The following CDH23 variants were observed in gnomAD, a reference collection of about 807,000 sequenced individuals.
CDH23 encodes cadherin related 23, also known as cadherin-23.
A neutral mutation model predicts 317.1 loss-of-function variants in CDH23; 189 were observed. That is an observed-to-expected ratio of 0.60 (90% CI 0.53 to 0.67). The LOEUF (loss-of-function observed/expected upper bound fraction) is 0.67. Ranked by LOEUF, CDH23 falls within the 30% of genes least tolerant of loss-of-function variation. The pLI is 0.00. For missense variants in CDH23, 4,401 were observed against 4,592.4 expected, an observed-to-expected ratio of 0.96 and a Z score of 1.20; for synonymous variants, 1,839 against 1,876.8, an observed-to-expected ratio of 0.98 and a Z score of 0.52.
At chr10:71,483,830 C>G (rs1291751093) in intron 3 of CDH23, among the ~76,000 whole-genome samples, 1 of 152,076 alleles carries the variant, frequency 6.6e-6, no homozygotes, top group African/African-American at 2.4e-5. Flanking sequence ...TGTACATGCT[C>G]ACACACATTT....
At chr10:71,454,123 A>G (rs1420950759) in intron 3 of CDH23, among the ~76,000 whole-genome samples, 2 of 152,202 alleles carry the variant, frequency 1.3e-5, no homozygotes, top group Admixed American at 6.5e-5. Context: ...CACTGTTTTT[A>G]TCAAACATTC....
At chr10:71,487,069 A>G (rs960617404) in intron 3 of CDH23, among the ~76,000 whole-genome samples, 9 of 152,098 alleles carry the variant, frequency 5.9e-5, no homozygotes, top group Non-Finnish European at 1.2e-4. Flanking sequence ...AGGTGCATCT[A>G]GAACCAGCTG....
At chr10:71,624,262 T>G (rs550090878) in intron 11 of CDH23, among the ~76,000 whole-genome samples, 189 of 152,310 alleles carry the variant, frequency 1.2e-3, no homozygotes, top group Non-Finnish European at 2.3e-3. Flanking sequence ...AACCCCAGCC[T>G]GCCTTGTATT....
At chr10:71,412,381 C>T (rs910139525) in intron 1 of CDH23, among the ~76,000 whole-genome samples, 21 of 152,104 alleles carry the variant, frequency 1.4e-4, no homozygotes, top group African/African-American at 4.1e-4. Context: ...GAGGAACTGC[C>T]GTACTGTTTT....
At chr10:71,484,209 G>T (rs1852223248) in intron 3 of CDH23, among the ~76,000 whole-genome samples, 2 of 152,198 alleles carry the variant, frequency 1.3e-5, no homozygotes, top group South Asian at 4.2e-4. Context: ...TAACTGTAAT[G>T]CCAGCATCAT....
chr10:71,767,860 G>A (rs1840590816), intron 38 of CDH23, among the ~76,000 whole-genome samples: 1 of 152,242 alleles, frequency 6.6e-6, no homozygotes, highest in South Asian at 2.1e-4. Context: ...GGCACTTCCA[G>A]CACCTTGGGA....
At chr10:71,724,592 G>A (rs932666614) in intron 29 of CDH23, among the ~76,000 whole-genome samples, 4 of 152,162 alleles carry the variant, frequency 2.6e-5, no homozygotes, top group South Asian at 2.1e-4. Flanking sequence ...GTGAGCCACC[G>A]TGCCCCTGGG....
At chr10:71,408,954 C>A (rs184431881) in intron 1 of CDH23, among the ~76,000 whole-genome samples, 2 of 151,964 alleles carry the variant, frequency 1.3e-5, no homozygotes, top group Non-Finnish European at 2.9e-5. Context: ...CATGTGTGCA[C>A]GTGTGTGTGT....
intron 20 of CDH23, among the ~76,000 whole-genome samples, chr10:71,691,353 GGC>G (rs1436102579): frequency 1.3e-5 from 2 of 152,168 alleles, no homozygotes; most frequent in Non-Finnish European, 2.9e-5. Context: ...TTGGGGTGGG[GGC>G]TGCTCTGAGC....
intron 48 of CDH23, chr10:71,796,046 G>C (rs1046001468): frequency 1.1e-6 from 1 of 934,506 alleles, no homozygotes; most frequent in African/African-American, 1.8e-5. Flanking sequence ...AGAGTAGGAA[G>C]AGGAGGAGGA....
rs777932636 is a variant in CDH23, at chr10:71,798,517, C to G, written c.6993C>G (p.Val2331=). 1.2e-6 allele frequency: 2 copies of G among 1,613,868 alleles called. No individual in the cohort carries two copies. The highest frequency in any genetic ancestry group is 1.3e-5 in the African/African-American group (1 of 75,048). ...CTGACAAGGGCCTTAATGGGCTGGT[C>G]ACCTACACCCTGCTGGACCTGGTGC... ...VDPDKGLNGL[V]TYTLLDLVPP... Residue 2331 remains valine (V), a synonymous_variant, in exon 50 of 70, where the codon GTC becomes GTG. Transcript: ENST00000224721.
At chr10:71,733,414 A>C (rs752487437) in intron 32 of CDH23, among the ~76,000 whole-genome samples, 6 of 152,328 alleles carry the variant, frequency 3.9e-5, no homozygotes, top group Non-Finnish European at 7.4e-5. Flanking sequence ...CTTCCTGGAA[A>C]GTAAAGGGTG....
chr10:71,472,363 C>T (rs1251155823), intron 3 of CDH23, among the ~76,000 whole-genome samples: 1 of 152,244 alleles, frequency 6.6e-6, no homozygotes, highest in Non-Finnish European at 1.5e-5. Context: ...TGGCTTTCTG[C>T]TGGGCCTCTG....
At chr10:71,716,566 T>C (rs1478029000) in intron 28 of CDH23, 3 of 449,136 alleles carry the variant, frequency 6.7e-6, no homozygotes, top group Non-Finnish European at 1.2e-5. Flanking sequence ...TCAGGCCCTC[T>C]TCCTGTTCCA....
intron 14 of CDH23, among the ~76,000 whole-genome samples, chr10:71,674,576 A>C (rs1293775330): frequency 2.0e-5 from 3 of 152,208 alleles, no homozygotes; most frequent in African/African-American, 7.2e-5. Flanking sequence ...GAAGTACTGC[A>C]TGGATTATGT....
intron 9 of CDH23, among the ~76,000 whole-genome samples, chr10:71,611,747 CT>C (rs1564686965): frequency 6.6e-6 from 1 of 152,150 alleles, no homozygotes; most frequent in Non-Finnish European, 1.5e-5. Context: ...TTCCGAATTG[CT>C]TTTCTTCAGG....
At chr10:71,656,853 G>T (rs553192432) in intron 14 of CDH23, among the ~76,000 whole-genome samples, 60 of 152,162 alleles carry the variant, frequency 3.9e-4, no homozygotes, top group Non-Finnish European at 7.6e-4. Flanking sequence ...CCCATCGTGG[G>T]TAGCAAGTCT....
intron 3 of CDH23, among the ~76,000 whole-genome samples, chr10:71,467,996 A>G (rs1851335095): frequency 6.6e-6 from 1 of 152,176 alleles, no homozygotes; most frequent in Non-Finnish European, 1.5e-5. Flanking sequence ...TCATGGGGAA[A>G]AGTGGGCAGA....
chr10:71,761,067 A>G (rs1376797613), intron 38 of CDH23: 2 of 771,738 alleles, frequency 2.6e-6, no homozygotes, highest in East Asian at 5.3e-5. Context: ...CAGCCTGCAC[A>G]CGTGTGCACC....
Sources: gnomAD v4.1 joint callset for allele counts (sites outside exome capture counted in the v4.1 genomes callset) on GRCh38, gnomAD v4.1.1 for gene constraint, MANE v1.5 for transcripts, NCBI Gene and HGNC (gene_info 2026-07-23, HGNC 2026-07-21) for gene names.